The following DNAJC6 variants were observed in gnomAD, a reference collection of about 807,000 sequenced individuals.
DNAJC6 encodes auxilin.
Under a neutral mutation model 110.0 loss-of-function variants are expected in DNAJC6, and 34 were observed. The observed-to-expected ratio is 0.31, with a 90% CI of 0.24 to 0.41. DNAJC6 has a LOEUF of 0.41. Among genes scored for constraint, DNAJC6 ranks in the 10% least tolerant of loss-of-function variants. The pLI is 1.00. For missense variants in DNAJC6, 1,031 were observed against 1,207.8 expected, an observed-to-expected ratio of 0.85 and a Z score of 2.17; for synonymous variants, 406 against 437.2, an observed-to-expected ratio of 0.93 and a Z score of 0.89.
chr1:65,325,662 C>T (rs1035145289), intron 1 of DNAJC6, among the ~76,000 whole-genome samples: 1 of 152,174 alleles, frequency 6.6e-6, no homozygotes, highest in Non-Finnish European at 1.5e-5. Context: ...CTCAATATAG[C>T]CTTAGCCAGA....
intron 1 of DNAJC6, among the ~76,000 whole-genome samples, chr1:65,271,028 C>G (rs1653487830): frequency 6.6e-6 from 1 of 152,192 alleles, no homozygotes; most frequent in Admixed American, 6.5e-5. Flanking sequence ...GACAATCTTC[C>G]TAGCATAACT....
intron 1 of DNAJC6, among the ~76,000 whole-genome samples, chr1:65,330,547 C>T (rs1368018773): frequency 6.6e-6 from 1 of 152,162 alleles, no homozygotes; most frequent in Non-Finnish European, 1.5e-5. Flanking sequence ...CGGCTCACCG[C>T]AAGCTCCGCC....
intron 1 of DNAJC6, among the ~76,000 whole-genome samples, chr1:65,342,065 C>CT (rs1248917699): frequency 6.6e-6 from 1 of 152,112 alleles, no homozygotes; most frequent in Non-Finnish European, 1.5e-5. Flanking sequence ...CAAGGTCTGC[C>CT]TTTTTTGTTC....
intron 12 of DNAJC6, 93 bp from the exon 13 acceptor site, chr1:65,394,805 G>A: frequency 7.1e-7 from 1 of 1,409,436 alleles, no homozygotes; most frequent in Admixed American, 2.6e-5. Flanking sequence ...AATTCTTGGA[G>A]TCCACTGTTA....
In DNAJC6 at chr1:65,406,049, C is replaced by A. The variant is rs1325051526; in HGVS notation, c.2407C>A (p.Pro803Thr). 8 of 1,614,194 alleles carry A rather than the reference C, an allele frequency of 5.0e-6. No individual in the cohort carries two copies. The highest frequency in any genetic ancestry group is 6.8e-6 in the Non-Finnish European group (8 of 1,180,042). The change falls in exon 16 of 19, where the codon CCC becomes ACC. Residue 803 changes from proline to threonine, a missense_variant. Pro to Thr is a conservative substitution (Grantham distance 38). Transcript: ENST00000371069. ...TCAGCCCAGCATGCCCCACTCCTCT[C>A]CCCAGAACCGACCCAACTACAACGT... Reference protein sequence around the residue: ...KPQPSMPHSSPQNRPNYNVSF... With the variant: ...KPQPSMPHSSTQNRPNYNVSF...
Position 65,406,042 on chromosome 1 carries a change from C to T in DNAJC6, c.2400C>T (p.His800=), listed in dbSNP as rs1212238088. Residue 800 remains histidine (H), a synonymous_variant, in exon 16 of 19, where the codon CAC becomes CAT. Coordinates refer to ENST00000371069, the MANE Select transcript of DNAJC6 (RefSeq NM_001256864.2). ...CTAAGCCTCAGCCCAGCATGCCCCA[C>T]TCCTCTCCCCAGAACCGACCCAACT... is the stretch of plus-strand genomic sequence containing the variant. ...PQPKPQPSMP[H]SSPQNRPNYN... 1 of 1,614,192 alleles carries T rather than the reference C, an allele frequency of 6.2e-7. No individual in the cohort carries two copies. The highest frequency in any genetic ancestry group is 1.7e-5 in the Admixed American group (1 of 60,028).
intron 15 of DNAJC6, among the ~76,000 whole-genome samples, chr1:65,404,513 G>A (rs1006328803): frequency 3.3e-5 from 5 of 152,122 alleles, no homozygotes; most frequent in South Asian, 2.1e-4. Flanking sequence ...ATGACACTTG[G>A]TAATGCTCAT....
At chr1:65,295,331 C>T (rs1442186184) in intron 1 of DNAJC6, among the ~76,000 whole-genome samples, 1 of 152,154 alleles carries the variant, frequency 6.6e-6, no homozygotes, top group Non-Finnish European at 1.5e-5. Flanking sequence ...CACTTGTCTC[C>T]ATATGTCAGA....
In DNAJC6 at chr1:65,412,942, G is replaced by A; in HGVS notation, c.2830G>A (p.Glu944Lys). Reference sequence around the variant, plus strand: ...TCTACAGGCTACTGGGCAACCCTATGAACAATACGCAAAGATGATTTTCAT... The same window carrying A: ...TCTACAGGCTACTGGGCAACCCTATAAACAATACGCAAAGATGATTTTCAT... ...HPDKATGQPY[E>K]QYAKMIFMEL... Residue 944 changes from glutamate (E) to lysine (K), a missense_variant, in exon 19 of 19, where the codon GAA becomes AAA. Physicochemically the swap from Glu to Lys is moderately conservative, Grantham distance 56 (BLOSUM62 1). Coordinates refer to ENST00000371069, the MANE Select transcript of DNAJC6 (RefSeq NM_001256864.2). 1 of 1,613,982 alleles carries A rather than the reference G, an allele frequency of 6.2e-7. No homozygotes were observed. Among genetic ancestry groups the A allele is most frequent in the Non-Finnish European group, 8.5e-7 (1 of 1,179,954 alleles).
rs1242717131 is a variant in DNAJC6, at chr1:65,309,823, G to T, written c.78G>T (p.Gly26=). The T allele has an allele frequency of 1.3e-6, 2 of 1,549,496 alleles. No individual in the cohort carries two copies. Among genetic ancestry groups the T allele is most frequent in the Non-Finnish European group, 8.7e-7 (1 of 1,146,486 alleles). The change falls in exon 1 of 19, where the codon GGG becomes GGT. Residue 26 remains glycine, a synonymous_variant. Coordinates refer to ENST00000371069, the MANE Select transcript of DNAJC6 (RefSeq NM_001256864.2). ...YESLQLVDSN[G]DLSAGSGGVG... ...CTTTGCAGCTGGTGGACAGTAACGG[G>T]GACTTAAGTGCGGGAAGCGGCGGGG...
chr1:65,345,191 T>C (rs1570306019), intron 1 of DNAJC6, among the ~76,000 whole-genome samples: 1 of 151,850 alleles, frequency 6.6e-6, no homozygotes, highest in South Asian at 2.1e-4. Context: ...GTTGTGGCAG[T>C]TCCTAGCTGC....
At chr1:65,373,940 A>AT (rs765530000) in intron 4 of DNAJC6, among the ~76,000 whole-genome samples, 46 of 152,180 alleles carry the variant, frequency 3.0e-4, no homozygotes, top group South Asian at 8.3e-4. Context: ...TTTTTAATCA[A>AT]TTTTATTTGA....
chr1:65,380,760 A>C (rs1194805219), intron 5 of DNAJC6, among the ~76,000 whole-genome samples: 34 of 152,186 alleles, frequency 2.2e-4, no homozygotes, highest in Non-Finnish European at 7.3e-5. Flanking sequence ...CCAATGAAGA[A>C]GAAAAAAGAA....
At chr1:65,395,157 T>C (rs1645964659) in intron 13 of DNAJC6, 125 bp downstream of exon 13, 2 of 1,083,562 alleles carry the variant, frequency 1.8e-6, no homozygotes, top group East Asian at 5.6e-5. Flanking sequence ...CATCTCTGTT[T>C]TTGAAATTAA....
intron 1 of DNAJC6, among the ~76,000 whole-genome samples, chr1:65,359,866 A>C (rs986729079): frequency 6.6e-6 from 1 of 152,216 alleles, no homozygotes; most frequent in Admixed American, 6.5e-5. Flanking sequence ...ACTTCTGGAC[A>C]TTGAAATTTG....
intron 1 of DNAJC6, among the ~76,000 whole-genome samples, chr1:65,356,645 T>G (rs1645546806): frequency 6.6e-6 from 1 of 151,930 alleles, no homozygotes; most frequent in Non-Finnish European, 1.5e-5. Context: ...TTTTAGAAGA[T>G]CTCATTACAT....
At chr1:65,393,146 C>T (rs1645945453) in intron 12 of DNAJC6, among the ~76,000 whole-genome samples, 1 of 152,224 alleles carries the variant, frequency 6.6e-6, no homozygotes. Context: ...CTGCATTAGT[C>T]TGCTTAAACA....
At chr1:65,357,953 C>T (rs552106665) in intron 1 of DNAJC6, among the ~76,000 whole-genome samples, 10 of 152,078 alleles carry the variant, frequency 6.6e-5, no homozygotes, top group Non-Finnish European at 1.3e-4. Context: ...CCGAGGCTGG[C>T]GGATCACTTT....
intron 1 of DNAJC6, among the ~76,000 whole-genome samples, chr1:65,350,467 T>G (rs1645480217): frequency 6.6e-6 from 1 of 152,236 alleles, no homozygotes; most frequent in Non-Finnish European, 1.5e-5. Context: ...TCAGGTTCTA[T>G]TTCTATTTAC....
Sources: allele counts gnomAD v4.1 joint callset (sites outside exome capture counted in the v4.1 genomes callset), GRCh38; gene constraint gnomAD v4.1.1; transcripts MANE v1.5; gene names NCBI Gene and HGNC (gene_info 2026-07-23, HGNC 2026-07-21).